CDH20: variants seen among roughly 807,000 people sequenced by gnomAD.
CDH20 encodes cadherin 20.
A neutral mutation model predicts 74.2 loss-of-function variants in CDH20; 29 were observed. The ratio of observed to expected loss-of-function variants is 0.39; its 90% CI spans 0.29 to 0.53. The LOEUF is 0.53. Among genes scored for constraint, CDH20 ranks in the 20% least tolerant of loss-of-function variants. CDH20 has a pLI of 0.69. For synonymous variants in CDH20, 469 were observed against 405.4 expected, an observed-to-expected ratio of 1.16 and a Z score of -1.88; for missense variants, 988 against 1,048.3, an observed-to-expected ratio of 0.94 and a Z score of 0.79.
Position 61,350,822 on chromosome 18 carries a change from C to T in CDH20, c.-153+16995C>T, listed in dbSNP as rs77615446. Among the ~76,000 whole-genome samples the T allele has an allele frequency of 3.3e-3, 497 of 152,196 alleles. 2 individuals carry two copies. Among genetic ancestry groups the T allele is most frequent in the African/African-American group, 0.011 (470 of 41,520 alleles). On this transcript the variant is annotated intron_variant, in intron 1 of 11. Transcript: ENST00000262717. The stretch of plus-strand genomic sequence containing the variant: ...GGCAGAAATCTTTCCTCAAAGTCAC[C>T]AGGGGAGCAAAGACAGAAAGTGCAG...
intron 1 of CDH20, among the ~76,000 whole-genome samples, chr18:61,435,899 C>T (rs1426155779): frequency 6.6e-6 from 1 of 151,928 alleles, no homozygotes; most frequent in African/African-American, 2.4e-5. Context: ...CAAAAAGAAA[C>T]CCAGCACACA....
At chr18:61,343,013 G>A (rs1166322275) in intron 1 of CDH20, among the ~76,000 whole-genome samples, 1 of 152,110 alleles carries the variant, frequency 6.6e-6, no homozygotes, top group Non-Finnish European at 1.5e-5. Flanking sequence ...ATGGTTGTAA[G>A]GGCATTGTCC....
chr18:61,418,226 T>C (rs919089179), intron 1 of CDH20, among the ~76,000 whole-genome samples: 1 of 151,984 alleles, frequency 6.6e-6, no homozygotes, highest in Non-Finnish European at 1.5e-5. Flanking sequence ...AAATCAATAA[T>C]AGGCAACCAA....
intron 1 of CDH20, among the ~76,000 whole-genome samples, chr18:61,375,610 C>T (rs115766604): frequency 6.6e-6 from 1 of 152,252 alleles, no homozygotes; most frequent in African/African-American, 2.4e-5. Context: ...ACCTGGAATG[C>T]TTCCTTATCT....
intron 1 of CDH20, among the ~76,000 whole-genome samples, chr18:61,382,494 C>T (rs1911465166): frequency 6.6e-6 from 1 of 152,108 alleles, no homozygotes; most frequent in South Asian, 2.1e-4. Flanking sequence ...ATATAGTCCC[C>T]ACTTTGGGAG....
chr18:61,547,857 C>T (rs139320598), intron 10 of CDH20, among the ~76,000 whole-genome samples: 5 of 152,282 alleles, frequency 3.3e-5, no homozygotes, highest in Non-Finnish European at 7.3e-5. Flanking sequence ...CCTTCCAGCA[C>T]TGGACTCAGC....
Position 61,536,491 on chromosome 18 carries a change from AG to A in CDH20, c.1272-1del, listed in dbSNP as rs1912822210. The A allele has an allele frequency of 1.2e-6, 2 of 1,613,476 alleles. No individual in the cohort carries two copies. Among genetic ancestry groups the A allele is most frequent in the Non-Finnish European group, 1.7e-6 (2 of 1,179,462 alleles). ...TGATGTACGTAATCCATGTTTCTGC[AG>A]ATACTCCATTGATAGAAGCAGTGAC... On this transcript the variant is annotated splice_acceptor_variant, in intron 7 of 11. Transcript: ENST00000262717. LOFTEE classifies it high-confidence loss of function.
chr18:61,521,763 T>C (rs988990858), intron 6 of CDH20, among the ~76,000 whole-genome samples: 1 of 144,044 alleles, frequency 6.9e-6, no homozygotes. Flanking sequence ...GCAAGGCTGG[T>C]TCAACATATG....
At chr18:61,407,136 T>C (rs9964478) in intron 1 of CDH20, among the ~76,000 whole-genome samples, 2,453 of 152,310 alleles carry the variant, frequency 0.016, 64 homozygotes, top group African/African-American at 0.056. Flanking sequence ...GTGTTAACTA[T>C]TGGCTTTATT....
chr18:61,446,015 G>T (rs1359620769), intron 1 of CDH20, among the ~76,000 whole-genome samples: 1 of 152,070 alleles, frequency 6.6e-6, no homozygotes, highest in Non-Finnish European at 1.5e-5. Flanking sequence ...ATAGCAGCTG[G>T]GTTCCAATGA....
At chr18:61,486,683 C>T (rs915202786) in intron 1 of CDH20, among the ~76,000 whole-genome samples, 3 of 152,128 alleles carry the variant, frequency 2.0e-5, no homozygotes, top group African/African-American at 4.8e-5. Context: ...AAAATGATAG[C>T]TTAAGAAGTT....
intron 6 of CDH20, among the ~76,000 whole-genome samples, chr18:61,513,977 C>CAGA (rs1397961724): frequency 6.6e-6 from 1 of 151,958 alleles, no homozygotes; most frequent in Non-Finnish European, 1.5e-5. Context: ...AATTATGTGT[C>CAGA]TTGGAGTTGC....
intron 6 of CDH20, among the ~76,000 whole-genome samples, chr18:61,514,572 CGCTCT>C (rs1343339032): frequency 3.3e-5 from 5 of 151,542 alleles, no homozygotes; most frequent in Non-Finnish European, 7.4e-5. Flanking sequence ...GGAGGAGAGG[CGCTCT>C]GCTTTTTAGA....
At chr18:61,404,153 C>A (rs1188231816) in intron 1 of CDH20, among the ~76,000 whole-genome samples, 2 of 152,184 alleles carry the variant, frequency 1.3e-5, no homozygotes, top group Non-Finnish European at 2.9e-5. Context: ...TGATAGCAAA[C>A]CACCATGGCA....
chr18:61,500,735 C>T (rs1327921053), intron 4 of CDH20, among the ~76,000 whole-genome samples: 4 of 133,062 alleles, frequency 3.0e-5, no homozygotes, highest in Non-Finnish European at 5.2e-5. Flanking sequence ...AGCCCCTCTG[C>T]GCAAACACAC....
At chr18:61,454,194 C>T (rs1164784541) in intron 1 of CDH20, among the ~76,000 whole-genome samples, 1 of 152,048 alleles carries the variant, frequency 6.6e-6, no homozygotes, top group Non-Finnish European at 1.5e-5. Context: ...GTTATGTGTT[C>T]TAAATACTAG....
chr18:61,345,179 T>TAGGGA (rs1172806342), intron 1 of CDH20, among the ~76,000 whole-genome samples: 181 of 152,366 alleles, frequency 1.2e-3, no homozygotes, highest in African/African-American at 4.1e-3. Context: ...GTTCAGCATT[T>TAGGGA]GCTTTCTAAA....
chr18:61,534,380 T>C (rs1912751492), intron 7 of CDH20, among the ~76,000 whole-genome samples: 1 of 152,212 alleles, frequency 6.6e-6, no homozygotes, highest in Admixed American at 6.5e-5. Flanking sequence ...CATTTCTGGG[T>C]ATATATCCAA....
chr18:61,455,766 G>A (rs1909552723), intron 1 of CDH20, among the ~76,000 whole-genome samples: 1 of 152,142 alleles, frequency 6.6e-6, no homozygotes. Context: ...GGAATATAAA[G>A]ATATGAGAAC....
Sources: gnomAD v4.1 joint callset for allele counts (sites outside exome capture counted in the v4.1 genomes callset) on GRCh38, gnomAD v4.1.1 for gene constraint, MANE v1.5 for transcripts, NCBI Gene and HGNC (gene_info 2026-07-23, HGNC 2026-07-21) for gene names.